CTNNA3: variants seen among roughly 807,000 people sequenced by gnomAD.
The protein encoded by CTNNA3 is catenin alpha 3.
A neutral mutation model predicts 95.7 loss-of-function variants in CTNNA3; 76 were observed. That is an observed-to-expected ratio of 0.79 (90% CI 0.66 to 0.96). The LOEUF (loss-of-function observed/expected upper bound fraction) is 0.96, where lower values mean the gene tolerates loss of function less well. Among genes scored for constraint, CTNNA3 ranks in the 40% least tolerant of loss-of-function variants. The probability of loss-of-function intolerance (pLI) is 0.00; values close to 1 mark genes in which losing one functional copy is unlikely to be tolerated. For missense variants in CTNNA3, 1,191 were observed against 1,089.8 expected (o/e 1.09, Z -1.31); for synonymous variants, 431 against 374.4 (o/e 1.15, Z -1.74).
chr10:66,091,134 A>C (rs2081196667), intron 14 of CTNNA3, among the ~76,000 whole-genome samples: 1 of 151,868 alleles, frequency 6.6e-6, no homozygotes, highest in Admixed American at 6.6e-5. Context: ...ACATAAATGA[A>C]ATAGGACTTT....
At chr10:66,396,983 C>T (rs2092983198) in intron 11 of CTNNA3, among the ~76,000 whole-genome samples, 1 of 151,542 alleles carries the variant, frequency 6.6e-6, no homozygotes, top group African/African-American at 2.4e-5. Flanking sequence ...ATGCTTATGA[C>T]ATAATTTTAA....
chr10:67,652,997 G>T (rs1839920262), intron 1 of CTNNA3, among the ~76,000 whole-genome samples: 1 of 152,190 alleles, frequency 6.6e-6, no homozygotes, highest in African/African-American at 2.4e-5. Context: ...ATTGCTATAA[G>T]AAATACCTGA....
rs547177878 is a variant in CTNNA3 at position 66,049,375 on chromosome 10, A to G, written c.2159+19933T>C. Among the ~76,000 whole-genome samples the G allele has an allele frequency of 3.9e-4, 60 of 152,308 alleles. 2 individuals are homozygous for G. Among genetic ancestry groups the G allele is most frequent in the African/African-American group, 1.4e-3 (59 of 41,556 alleles). ...TAGTTCAACCATTGTGGAAAGCAGT[A>G]TGGCAATTCCTCCAAGAGCTAAAAG... On this transcript the variant is annotated intron_variant, in intron 15 of 17. Transcript: ENST00000433211.
At chr10:66,072,774 A>G (rs1336566432) in intron 14 of CTNNA3, among the ~76,000 whole-genome samples, 1 of 151,960 alleles carries the variant, frequency 6.6e-6, no homozygotes, top group Admixed American at 6.6e-5. Context: ...CGCATCTCCC[A>G]AAGAATCTGT....
At chr10:67,515,317 T>A (rs1374050061) in intron 5 of CTNNA3, among the ~76,000 whole-genome samples, 1 of 152,224 alleles carries the variant, frequency 6.6e-6, no homozygotes, top group African/African-American at 2.4e-5. Context: ...TAATTCTGAA[T>A]TTGTTACTGA....
chr10:67,582,717 G>A (rs919268201), intron 3 of CTNNA3, among the ~76,000 whole-genome samples: 3 of 151,884 alleles, frequency 2.0e-5, no homozygotes, highest in Non-Finnish European at 4.4e-5. Flanking sequence ...GGTCTCTAAG[G>A]ACTTGCTTTA....
intron 10 of CTNNA3, among the ~76,000 whole-genome samples, chr10:66,573,068 T>A (rs1298211250): frequency 6.6e-6 from 1 of 152,148 alleles, no homozygotes; most frequent in Admixed American, 6.5e-5. Context: ...ATGGAAACAG[T>A]GCATCTAGGG....
chr10:67,388,369 A>G lies in CTNNA3; in HGVS notation c.579+133473T>C, dbSNP rs1371596107. On this transcript the variant is annotated intron_variant, in intron 5 of 17. Transcript: ENST00000433211. ...AAGGGAAGTTTAGAGAAAAAAGAAT[A>G]AAAAGAAATGAGCAAAGCCTCCAAG... Among the ~76,000 whole-genome samples, 31 of 138,252 alleles carry G rather than the reference A, an allele frequency of 2.2e-4. No individual in the cohort carries two copies. In the South Asian group the frequency reaches 8.0e-3, roughly 36 times the overall value. 90.7% of individuals were successfully genotyped at this position (138,252 alleles called of 152,430 possible). A position where few individuals can be genotyped will look rare whatever the true frequency, so the allele number is the denominator to read the frequency against.
chr10:67,129,260 G>C (rs1456227833), intron 7 of CTNNA3, among the ~76,000 whole-genome samples: 1 of 152,058 alleles, frequency 6.6e-6, no homozygotes. Context: ...AAACTAACAA[G>C]ATGTGTTTGT....
intron 1 of CTNNA3, among the ~76,000 whole-genome samples, chr10:67,757,870 G>T (rs1841442174): frequency 6.6e-6 from 1 of 152,102 alleles, no homozygotes; most frequent in African/African-American, 2.4e-5. Context: ...TATCCTATTA[G>T]TTCTGTCCCT....
At chr10:66,314,289 C>T (rs2092067900) in intron 12 of CTNNA3, among the ~76,000 whole-genome samples, 1 of 152,080 alleles carries the variant, frequency 6.6e-6, no homozygotes, top group Non-Finnish European at 1.5e-5. Context: ...GTGATGATGC[C>T]ATGATGAAAT....
chr10:65,951,219 G>T (rs2077605910), intron 17 of CTNNA3, among the ~76,000 whole-genome samples: 1 of 152,118 alleles, frequency 6.6e-6, no homozygotes, highest in Admixed American at 6.5e-5. Flanking sequence ...AATATAATTT[G>T]TCAGTTGGTA....
At position 66,294,883 on chromosome 10, in the gene CTNNA3, G is replaced by GGAGA. The variant is rs1415856025; in HGVS notation, c.1733-14263_1733-14262insTCTC. 1.0e-4 allele frequency among the ~76,000 whole-genome samples: 12 copies of GGAGA among 118,562 alleles called. No homozygotes were observed. The South Asian group carries it at 1.1e-3, about 11-fold the overall frequency. 77.8% of individuals were successfully genotyped at this position (118,562 alleles called of 152,430 possible). A position where few individuals can be genotyped will look rare whatever the true frequency, so the allele number is the denominator to read the frequency against. On this transcript the variant is annotated intron_variant, in intron 12 of 17. Transcript: ENST00000433211. ...AGTCCAGATACCTATTAGACAGTCA[G>GGAGA]GACAGAGAGAGAGAGAGAGAGAGAG... is the stretch of plus-strand genomic sequence containing the variant.
chr10:67,177,177 C>T (rs1311276085), intron 7 of CTNNA3, among the ~76,000 whole-genome samples: 2 of 152,200 alleles, frequency 1.3e-5, no homozygotes, highest in Non-Finnish European at 2.9e-5. Flanking sequence ...ATAGACCCAT[C>T]TCATCTCATT....
intron 11 of CTNNA3, among the ~76,000 whole-genome samples, chr10:66,432,345 A>T (rs992757681): frequency 4.6e-5 from 7 of 152,194 alleles, no homozygotes; most frequent in Admixed American, 6.5e-5. Flanking sequence ...CGCATTTTTT[A>T]AAATTATTAT....
intron 10 of CTNNA3, among the ~76,000 whole-genome samples, chr10:66,529,868 A>C (rs1841405538): frequency 6.6e-6 from 1 of 152,132 alleles, no homozygotes; most frequent in Non-Finnish European, 1.5e-5. Flanking sequence ...CTTTAAACTG[A>C]TTTTATGCCC....
chr10:66,490,583 A>G (rs1287714745), intron 11 of CTNNA3, among the ~76,000 whole-genome samples: 1 of 152,212 alleles, frequency 6.6e-6, no homozygotes, highest in South Asian at 2.1e-4. Context: ...GAGATAATTT[A>G]TTAGTGAGGC....
chr10:67,437,552 T>C (rs1011857818), intron 5 of CTNNA3, among the ~76,000 whole-genome samples: 1 of 152,078 alleles, frequency 6.6e-6, no homozygotes, highest in Non-Finnish European at 1.5e-5. Flanking sequence ...AAACAACTAA[T>C]TTTAGAAATG....
chr10:67,710,694 A>G (rs950168856), intron 1 of CTNNA3, among the ~76,000 whole-genome samples: 1 of 152,162 alleles, frequency 6.6e-6, no homozygotes, highest in Non-Finnish European at 1.5e-5. Context: ...ACTGTTGTAA[A>G]CCATTATCTG....
Sources: allele counts gnomAD v4.1 joint callset (sites outside exome capture counted in the v4.1 genomes callset), GRCh38; gene constraint gnomAD v4.1.1; transcripts MANE v1.5; gene names NCBI Gene and HGNC (gene_info 2026-07-23, HGNC 2026-07-21).